The following ASTN1 variants were observed in gnomAD, a reference collection of about 807,000 sequenced individuals.
ASTN1 encodes the protein astrotactin-1.
A neutral mutation model predicts 140.7 loss-of-function variants in ASTN1; 41 were observed. The observed-to-expected ratio is 0.29, with a 90% CI of 0.23 to 0.38. The LOEUF (loss-of-function observed/expected upper bound fraction) is 0.38. Among genes scored for constraint, ASTN1 ranks in the 10% least tolerant of loss-of-function variants. The probability of loss-of-function intolerance (pLI) is 1.00; values close to 1 mark genes in which losing one functional copy is unlikely to be tolerated. For missense variants in ASTN1, 1,479 were observed against 1,678.8 expected (o/e 0.88, Z 2.08); for synonymous variants, 640 against 652.2 (o/e 0.98, Z 0.29).
chr1:177,091,538 C>CT (rs144243155), intron 1 of ASTN1, among the ~76,000 whole-genome samples: 4,581 of 152,190 alleles, frequency 0.03, 113 homozygotes, highest in East Asian at 0.1. Flanking sequence ...ATAAACATGT[C>CT]TTTTTAATTG....
intron 2 of ASTN1, among the ~76,000 whole-genome samples, chr1:177,036,789 C>A (rs1396552027): frequency 6.6e-6 from 1 of 152,132 alleles, no homozygotes; most frequent in East Asian, 1.9e-4. Flanking sequence ...TTTCAATAAA[C>A]CATAGGTCTT....
At chr1:177,136,735 C>T (rs1682222864) in intron 1 of ASTN1, among the ~76,000 whole-genome samples, 1 of 152,168 alleles carries the variant, frequency 6.6e-6, no homozygotes, top group Admixed American at 6.5e-5. Flanking sequence ...ATCACTGAGC[C>T]ATGGTAACTC....
chr1:177,010,097 A>C (rs561098922), intron 8 of ASTN1, among the ~76,000 whole-genome samples: 1 of 152,196 alleles, frequency 6.6e-6, no homozygotes, highest in South Asian at 2.1e-4. Context: ...AGCTACATAA[A>C]TCTGTTTTTC....
intron 1 of ASTN1, among the ~76,000 whole-genome samples, chr1:177,099,643 G>A (rs1189950967): frequency 6.6e-6 from 1 of 152,136 alleles, no homozygotes; most frequent in South Asian, 2.1e-4. Flanking sequence ...TGCCAATATA[G>A]TTGCCTAGCA....
At chr1:177,073,186 A>G (rs1388890240) in intron 1 of ASTN1, among the ~76,000 whole-genome samples, 1 of 152,160 alleles carries the variant, frequency 6.6e-6, no homozygotes, top group African/African-American at 2.4e-5. Context: ...CTGGAAGGTA[A>G]TTCTGTGCCA....
chr1:177,068,662 G>A (rs866096808), intron 1 of ASTN1, among the ~76,000 whole-genome samples: 1 of 152,102 alleles, frequency 6.6e-6, no homozygotes, highest in African/African-American at 2.4e-5. Flanking sequence ...GTTATTCAAT[G>A]ACACAAAACC....
chr1:177,158,718 G>C (rs1021377248), intron 1 of ASTN1, among the ~76,000 whole-genome samples: 1 of 151,610 alleles, frequency 6.6e-6, no homozygotes, highest in Non-Finnish European at 1.5e-5. Context: ...TATATATAGT[G>C]TGTCTATAAG....
chr1:177,057,279 A>T (rs1309665051), intron 2 of ASTN1, among the ~76,000 whole-genome samples: 3 of 152,226 alleles, frequency 2.0e-5, no homozygotes, highest in Admixed American at 2.0e-4. Flanking sequence ...CTGCAAGCCC[A>T]CAATTTTGCT....
chr1:176,869,357 T>C (rs1668250826), intron 21 of ASTN1, among the ~76,000 whole-genome samples: 1 of 152,150 alleles, frequency 6.6e-6, no homozygotes, highest in Non-Finnish European at 1.5e-5. Context: ...AAGTTTTCTA[T>C]TCTATAAAAT....
chr1:177,040,083 T>C (rs1313696969), intron 2 of ASTN1, among the ~76,000 whole-genome samples: 1 of 152,260 alleles, frequency 6.6e-6, no homozygotes. Flanking sequence ...CCCTTGCTTC[T>C]CTGGCAGGTT....
At chr1:177,136,201 G>C (rs1336366455) in intron 1 of ASTN1, among the ~76,000 whole-genome samples, 1 of 152,178 alleles carries the variant, frequency 6.6e-6, no homozygotes, top group Non-Finnish European at 1.5e-5. Context: ...CTCTCCTGTG[G>C]AGTGTCCTCT....
At chr1:176,907,530 T>A (rs1670053174) in intron 16 of ASTN1, among the ~76,000 whole-genome samples, 2 of 152,202 alleles carry the variant, frequency 1.3e-5, no homozygotes, top group Admixed American at 1.3e-4. Context: ...CTTCTTGAAT[T>A]TTTCTAGACA....
chr1:176,953,573 CT>C lies in ASTN1; in HGVS notation c.1887+4104del, dbSNP rs1004774257. Among the ~76,000 whole-genome samples the C allele has an allele frequency of 1.4e-4, 22 of 152,142 alleles. No homozygotes were observed. The South Asian group carries it at 3.9e-3, about 27-fold the overall frequency. ...GTGATAGCTTCCTGCCTCCATTTCT[CT>C]GGAAGCCTCTGAGGCACACTCTTCT... On this transcript the variant is annotated intron_variant, in intron 11 of 22. Transcript: ENST00000361833.
rs148655573 is a variant in ASTN1 at position 177,129,310 on chromosome 1, T to G, written c.283+35084A>C. Among the ~76,000 whole-genome samples, 15 of 152,306 alleles carry G rather than the reference T, an allele frequency of 9.8e-5. No homozygotes were observed. The East Asian group carries it at 2.9e-3, about 29-fold the overall frequency. ...ACCACTCATGAATGGAAGAGATCAT[T>G]ATAGTTTCAAAATCAAACTACAAAT... On this transcript the variant is annotated intron_variant, in intron 1 of 22. Transcript: ENST00000361833.
chr1:177,108,620 G>A (rs1329908223), intron 1 of ASTN1, among the ~76,000 whole-genome samples: 1 of 152,070 alleles, frequency 6.6e-6, no homozygotes, highest in Non-Finnish European at 1.5e-5. Flanking sequence ...CCATTCATCT[G>A]ACAATGGGCA....
chr1:176,963,646 C>G (rs989278356), intron 9 of ASTN1, among the ~76,000 whole-genome samples: 4 of 152,110 alleles, frequency 2.6e-5, no homozygotes, highest in African/African-American at 9.7e-5. Flanking sequence ...GCAGGTTTTG[C>G]TTGAATAGCA....
At chr1:177,112,042 C>T (rs943533850) in intron 1 of ASTN1, among the ~76,000 whole-genome samples, 33 of 152,264 alleles carry the variant, frequency 2.2e-4, no homozygotes, top group African/African-American at 6.0e-4. Context: ...CTCTCAAGTT[C>T]CAAGGAAGGT....
intron 1 of ASTN1, among the ~76,000 whole-genome samples, chr1:177,067,492 T>G (rs1418059043): frequency 2.0e-5 from 3 of 152,204 alleles, no homozygotes; most frequent in Non-Finnish European, 2.9e-5. Context: ...GTTCTTTTTT[T>G]CCTTCTAATT....
rs1329419078 is a variant in ASTN1, at chr1:176,863,426, G to C, written c.*858C>G. ...GGATATATATTGGTAGGCTGGAGAA[G>C]TCTATCCAAAGGAAGCATGGTTTTT... On this transcript the variant is annotated 3_prime_UTR_variant, in exon 23 of 23. Transcript: ENST00000361833. The C allele has an allele frequency of 1.0e-6, 1 of 985,720 alleles. No homozygotes were observed. The highest frequency in any genetic ancestry group is 1.2e-6 in the Non-Finnish European group (1 of 829,942). 61.1% of individuals were successfully genotyped at this position (985,720 alleles called of 1,614,324 possible).
Sources: gnomAD v4.1 joint callset for allele counts (sites outside exome capture counted in the v4.1 genomes callset) on GRCh38, gnomAD v4.1.1 for gene constraint, MANE v1.5 for transcripts, NCBI Gene and HGNC (gene_info 2026-07-23, HGNC 2026-07-21) for gene names.